Variants in RAB10 observed in about 807,000 individuals in gnomAD.
The protein encoded by RAB10 is RAB10, member RAS oncogene family.
Under a neutral mutation model 25.7 loss-of-function variants are expected in RAB10, and 5 were observed. The ratio of observed to expected loss-of-function variants is 0.19; its 90% CI spans 0.10 to 0.41. The LOEUF is 0.41. Among genes scored for constraint, RAB10 ranks in the 10% least tolerant of loss-of-function variants. The pLI is 1.00. For synonymous variants in RAB10, 89 were observed against 86.4 expected (o/e 1.03, Z -0.16); for missense variants, 103 against 245.8 (o/e 0.42, Z 3.89).
At chr2:26,132,779 T>A (rs111774121) in intron 5 of RAB10, among the ~76,000 whole-genome samples, 1,473 of 137,318 alleles carry the variant, frequency 0.011, 12 homozygotes, top group Non-Finnish European at 0.017. Context: ...CCCTTTTTTT[T>A]AAATCTGTTT....
intron 3 of RAB10, among the ~76,000 whole-genome samples, chr2:26,118,662 T>C (rs1377217608): frequency 6.6e-6 from 1 of 152,234 alleles, no homozygotes; most frequent in Non-Finnish European, 1.5e-5. Context: ...TTTGTCAATA[T>C]GTGGAGATAT....
chr2:26,061,448 T>C (rs1666392344), intron 1 of RAB10, among the ~76,000 whole-genome samples: 1 of 152,030 alleles, frequency 6.6e-6, no homozygotes, highest in African/African-American at 2.4e-5. Flanking sequence ...GGTCTTGCCC[T>C]GTCACCCAGA....
At chr2:26,109,936 A>C in intron 3 of RAB10, 30 bp downstream of exon 3, 1 of 1,527,670 alleles carries the variant, frequency 6.5e-7, no homozygotes, top group Non-Finnish European at 8.8e-7. Context: ...TAAACCCTTC[A>C]TGAACACACA....
intron 1 of RAB10, among the ~76,000 whole-genome samples, chr2:26,040,079 G>A (rs1371553): frequency 0.77 from 117,124 of 152,106 alleles, 45,136 homozygotes; most frequent in East Asian, 0.87. Flanking sequence ...GTTGGTCAAC[G>A]TGCAGATGAC....
intron 1 of RAB10, among the ~76,000 whole-genome samples, chr2:26,054,121 C>G (rs1256026013): frequency 6.8e-6 from 1 of 147,524 alleles, no homozygotes; most frequent in Non-Finnish European, 1.5e-5. Context: ...GATCTCGGCT[C>G]ACTGCAACCT....
At chr2:26,111,263 A>T (rs1667563799) in intron 3 of RAB10, among the ~76,000 whole-genome samples, 1 of 152,212 alleles carries the variant, frequency 6.6e-6, no homozygotes, top group Admixed American at 6.5e-5. Flanking sequence ...TTGTTGCTAC[A>T]ATAAATCTTT....
chr2:26,102,686 C>T (rs1667368388), intron 2 of RAB10, among the ~76,000 whole-genome samples: 1 of 152,166 alleles, frequency 6.6e-6, no homozygotes, highest in Non-Finnish European at 1.5e-5. Context: ...GATCCGCCCA[C>T]CTCGGCCTCC....
At chr2:26,082,575 T>C (rs1353745519) in intron 1 of RAB10, among the ~76,000 whole-genome samples, 1 of 152,122 alleles carries the variant, frequency 6.6e-6, no homozygotes, top group East Asian at 1.9e-4. Flanking sequence ...CTCTTAGTAA[T>C]TGATAGAATA....
chr2:26,080,412 GATA>G (rs778337679), intron 1 of RAB10, among the ~76,000 whole-genome samples: 4 of 152,112 alleles, frequency 2.6e-5, no homozygotes, highest in Admixed American at 6.6e-5. Flanking sequence ...TGAGAAACAT[GATA>G]ATTATTTAGT....
At chr2:26,079,322 C>A (rs1026985235) in intron 1 of RAB10, among the ~76,000 whole-genome samples, 3 of 91,352 alleles carry the variant, frequency 3.3e-5, no homozygotes, top group Non-Finnish European at 7.4e-5. Context: ...CACACACACA[C>A]AAACACACAC....
At chr2:26,081,357 G>A (rs774499710) in intron 1 of RAB10, among the ~76,000 whole-genome samples, 1 of 152,102 alleles carries the variant, frequency 6.6e-6, no homozygotes, top group African/African-American at 2.4e-5. Flanking sequence ...GTGATGTTCT[G>A]TGACATTCCT....
intron 1 of RAB10, among the ~76,000 whole-genome samples, chr2:26,080,834 TAGAG>T (rs1666854074): frequency 6.6e-6 from 1 of 152,140 alleles, no homozygotes; most frequent in African/African-American, 2.4e-5. Flanking sequence ...AAATTTGCAA[TAGAG>T]AGAAACTCTG....
In RAB10 at chr2:26,080,440, T is replaced by G. The variant is rs569722225; in HGVS notation, c.128-18222T>G. Among the ~76,000 whole-genome samples the G allele has an allele frequency of 3.3e-5, 5 of 152,180 alleles. No individual in the cohort carries two copies. The South Asian group carries it at 1.0e-3, about 32-fold the overall frequency. On this transcript the variant is annotated intron_variant, in intron 1 of 5. Transcript: ENST00000264710. The stretch of plus-strand genomic sequence containing the variant: ...AATTATTTAGTCTGAAAGGATCTTC[T>G]CCAATAATTTTTTTTTGTCGTGATA...
rs1668096281 is a variant in RAB10 at position 26,135,656 on chromosome 2, GT to G, written c.*636del. 2.0e-5 allele frequency: 3 copies of G among 152,616 alleles called. No homozygotes were observed. The highest frequency in any genetic ancestry group is 6.5e-5 in the Admixed American group (1 of 15,278). The allele number at this position is 152,616 out of a possible 1,614,324, so 9.5% of individuals were successfully genotyped here. On this transcript the variant is annotated 3_prime_UTR_variant, in exon 6 of 6. Transcript: ENST00000264710. ...GGTTTGCTTGGCTGTAATTTTCAAAGTAGTTAATTGAGGACAAAGGGTAATG... is the reference window on the plus strand; with the variant it reads ...GGTTTGCTTGGCTGTAATTTTCAAAGAGTTAATTGAGGACAAAGGGTAATG...
At chr2:26,121,411 A>G (rs572109277) in intron 3 of RAB10, among the ~76,000 whole-genome samples, 9 of 151,990 alleles carry the variant, frequency 5.9e-5, no homozygotes, top group Non-Finnish European at 1.3e-4. Context: ...CTCAAACTCC[A>G]GGGGTCAAGT....
At chr2:26,122,681 G>A (rs1574562479) in intron 3 of RAB10, among the ~76,000 whole-genome samples, 1 of 151,788 alleles carries the variant, frequency 6.6e-6, no homozygotes, top group East Asian at 1.9e-4. Flanking sequence ...TCAAGAAAAA[G>A]TGAAGTTATT....
At chr2:26,132,809 C>A (rs1421945018) in intron 5 of RAB10, among the ~76,000 whole-genome samples, 3 of 124,444 alleles carry the variant, frequency 2.4e-5, no homozygotes, top group African/African-American at 9.0e-5. Flanking sequence ...AAGTTAAATT[C>A]TAAAAAGATA....
chr2:26,116,500 A>G (rs1011447260), intron 3 of RAB10, among the ~76,000 whole-genome samples: 2 of 150,558 alleles, frequency 1.3e-5, no homozygotes, highest in Admixed American at 6.6e-5. Context: ...GGAACCAATC[A>G]GCCATTCCCC....
chr2:26,041,939 T>G (rs1251610948), intron 1 of RAB10, among the ~76,000 whole-genome samples: 1 of 152,020 alleles, frequency 6.6e-6, no homozygotes, highest in Non-Finnish European at 1.5e-5. Context: ...AATTGAAAGG[T>G]TGTTTGAAAA....
Sources: gnomAD v4.1 joint callset for allele counts (sites outside exome capture counted in the v4.1 genomes callset) on GRCh38, gnomAD v4.1.1 for gene constraint, MANE v1.5 for transcripts, NCBI Gene and HGNC (gene_info 2026-07-23, HGNC 2026-07-21) for gene names.